Variants in IL17RC observed in about 807,000 individuals in gnomAD.
IL17RC encodes interleukin 17 receptor C.
In IL17RC, 53 loss-of-function variants were observed where a neutral mutation model predicts 86.7. The observed-to-expected ratio is 0.61, with a 90% confidence interval of 0.49 to 0.77. The LOEUF is 0.77. IL17RC is among the 30% of genes least tolerant of loss of function. IL17RC has a pLI of 0.00. For missense variants in IL17RC, 957 were observed against 940.0 expected, an observed-to-expected ratio of 1.02 and a Z score of -0.24; for synonymous variants, 439 against 413.1, an observed-to-expected ratio of 1.06 and a Z score of -0.76.
chr3:9,932,737 G>T, intron 17 of IL17RC, 34 bp downstream of exon 17: 2 of 1,612,380 alleles, frequency 1.2e-6, no homozygotes, highest in Non-Finnish European at 8.5e-7. Context: ...TCCCCTGGGG[G>T]AGGACCAGAG....
chr3:9,927,857 G>A (rs922110066), intron 9 of IL17RC, among the ~76,000 whole-genome samples: 5 of 152,056 alleles, frequency 3.3e-5, no homozygotes, highest in Non-Finnish European at 7.4e-5. Context: ...ACTGAGATGG[G>A]AGAATCGCTT....
chr3:9,929,581 G>A, intron 12 of IL17RC: 1 of 493,126 alleles, frequency 2.0e-6, no homozygotes, highest in Non-Finnish European at 3.7e-6. Context: ...GAATCTCTTT[G>A]AGAAGGTTAG....
intron 9 of IL17RC, among the ~76,000 whole-genome samples, chr3:9,926,005 C>G (rs1216821666): frequency 6.8e-6 from 1 of 147,546 alleles, no homozygotes. Context: ...TGCAGGCATG[C>G]GCCACCATGC....
chr3:9,933,095 C>T lies in IL17RC; in HGVS notation c.1665C>T (p.Ser555=), dbSNP rs754910175. 52 of 1,569,746 alleles carry T rather than the reference C, an allele frequency of 3.3e-5. No individual in the cohort carries two copies. Among genetic ancestry groups the T allele is most frequent in the Non-Finnish European group, 4.4e-5 (51 of 1,164,446 alleles). The change falls in exon 19 of 19, where the codon AGC becomes AGT. Residue 555 remains serine, a synonymous_variant. Transcript: ENST00000403601. ...AVDLWSRREL[S]AQGPVAWFHA... ...ACCTGTGGAGCCGTCGTGAACTGAG[C>T]GCGCAGGGGCCCGTGGCTTGGTTTC...
chr3:9,932,982 C>A lies in IL17RC; in HGVS notation c.1552C>A (p.Leu518Ile). The A allele has an allele frequency of 6.3e-7, 1 of 1,596,064 alleles. No individual in the cohort carries two copies. The highest frequency in any genetic ancestry group is 8.5e-7 in the Non-Finnish European group (1 of 1,175,100). The change falls in exon 19 of 19, where the codon CTC becomes ATC. Residue 518 changes from leucine to isoleucine, a missense_variant. Transcript: ENST00000403601. ...AAARGRAALL[L>I]YSADDSGFER... ...CGCCAGGGGCCGCGCGGCTCTGCTC[C>A]TCTACTCAGCCGATGACTCGGGTTT...
chr3:9,928,117 G>A (rs76234423), intron 9 of IL17RC, 49 bp from the exon 10 acceptor site: 103,248 of 1,579,282 alleles, frequency 0.065, 4,412 homozygotes, highest in African/African-American at 0.17. Context: ...CAGAGGGCCA[G>A]GCACATGCCC....
At chr3:9,918,122 C>G (rs767663600) in intron 3 of IL17RC, 47 bp downstream of exon 3, 2 of 1,537,532 alleles carry the variant, frequency 1.3e-6, no homozygotes, top group South Asian at 2.4e-5. Context: ...GTGAGTGTGT[C>G]TGGGGTGGGC....
intron 12 of IL17RC, among the ~76,000 whole-genome samples, 169 bp downstream of exon 12, chr3:9,928,799 C>A (rs180840553): frequency 2.3e-4 from 35 of 152,298 alleles, no homozygotes; most frequent in African/African-American, 8.2e-4. Flanking sequence ...CTCACTTCAC[C>A]TCTCTGAACG....
intron 3 of IL17RC, 108 bp from the exon 4 acceptor site, chr3:9,918,227 C>T: frequency 7.6e-7 from 1 of 1,322,068 alleles, no homozygotes; most frequent in Non-Finnish European, 1.0e-6. Flanking sequence ...TGTGGTCTCC[C>T]CAGCCCCTGC....
intron 16 of IL17RC, among the ~76,000 whole-genome samples, chr3:9,931,292 G>A (rs548469976): frequency 6.6e-6 from 1 of 151,902 alleles, no homozygotes; most frequent in East Asian, 1.9e-4. Context: ...TCAGGGGGAA[G>A]GTTCCAGCAA....
intron 16 of IL17RC, among the ~76,000 whole-genome samples, chr3:9,931,324 G>T (rs912619754): frequency 2.0e-5 from 3 of 151,838 alleles, no homozygotes; most frequent in Non-Finnish European, 4.4e-5. Flanking sequence ...CTGAGCTAGG[G>T]GAAGGGGGTA....
In IL17RC at chr3:9,928,436, C is replaced by T. The variant is rs762859085; in HGVS notation, c.1009C>T (p.Pro337Ser). ...ALCWRAPGGDPCQPLVPPLSW... is the reference protein window; with the variant it reads ...ALCWRAPGGDSCQPLVPPLSW... Reference sequence around the variant, plus strand: ...GTGCTGGCGGGCTCCGGGTGGGGACCCCTGCCAGCCACTGGTCCCACCGCT... The same window carrying T: ...GTGCTGGCGGGCTCCGGGTGGGGACTCCTGCCAGCCACTGGTCCCACCGCT... Residue 337 changes from proline to serine, a missense_variant, in exon 11 of 19, where the codon CCC becomes TCC. Coordinates refer to ENST00000403601, the MANE Select transcript of IL17RC (RefSeq NM_153460.4). 6 of 1,607,284 alleles carry T rather than the reference C, an allele frequency of 3.7e-6. No individual in the cohort carries two copies. In the African/African-American group the frequency reaches 8.0e-5, roughly 21 times the overall value.
intron 1 of IL17RC, 32 bp downstream of exon 1, chr3:9,917,452 G>A: frequency 6.2e-7 from 1 of 1,614,222 alleles, no homozygotes; most frequent in Non-Finnish European, 8.5e-7. Flanking sequence ...GACGAGGAAA[G>A]GCTCAGGGTT....
Position 9,918,092 on chromosome 3 carries a change from G to T in IL17RC, c.280+17G>T. 6.4e-7 allele frequency: 1 copy of T among 1,562,046 alleles called. No individual in the cohort carries two copies. Among genetic ancestry groups the T allele is most frequent in the South Asian group, 1.2e-5 (1 of 85,392 alleles). On this transcript the variant is annotated intron_variant, in intron 3 of 18. Coordinates refer to ENST00000403601, the MANE Select transcript of IL17RC (RefSeq NM_153460.4). The stretch of plus-strand genomic sequence containing the variant: ...CCGTGCATGGTGAGCAAGTCATCCT[G>T]TGACAGTGCATGTGTACACGTGAGT...
chr3:9,918,677 C>T (rs907385325), intron 5 of IL17RC, 68 bp downstream of exon 5: 7 of 1,039,350 alleles, frequency 6.7e-6, no homozygotes, highest in Non-Finnish European at 1.0e-5. Flanking sequence ...TGCATTATCT[C>T]TTTGAGGATT....
Position 9,917,354 on chromosome 3 carries a change from C to T in IL17RC, c.39C>T (p.Gly13=), listed in dbSNP as rs1368244758. The change falls in exon 1 of 19, where the codon GGC becomes GGT. Residue 13 remains glycine (G), a synonymous_variant. Coordinates refer to ENST00000403601, the MANE Select transcript of IL17RC (RefSeq NM_153460.4). ...VPWFLLSLAL[G]RSPVVLSLER... ...GGTTCTTGCTGTCCTTGGCACTGGGCCGAAGCCCAGTGGTCCTTTCTCTGG... is the reference window on the plus strand; with the variant it reads ...GGTTCTTGCTGTCCTTGGCACTGGGTCGAAGCCCAGTGGTCCTTTCTCTGG... 6.2e-7 allele frequency: 1 copy of T among 1,614,014 alleles called. No homozygotes were observed. Among genetic ancestry groups the T allele is most frequent in the Non-Finnish European group, 8.5e-7 (1 of 1,179,996 alleles).
chr3:9,928,808 C>T (rs1323320434), intron 12 of IL17RC, among the ~76,000 whole-genome samples, 178 bp downstream of exon 12: 1 of 152,156 alleles, frequency 6.6e-6, no homozygotes, highest in East Asian at 1.9e-4. Flanking sequence ...CCTCTCTGAA[C>T]GTCAGTTTCC....
chr3:9,932,713 T>A lies in IL17RC; in HGVS notation c.1483+10T>A. ...AAGGATCACGCGAAAGGTGAGCGCT[T>A]CCCGGCTCCCCATTCCCCTGGGGGA... On this transcript the variant is annotated intron_variant, in intron 17 of 18. Transcript: ENST00000403601. 2 of 1,614,046 alleles carry A rather than the reference T, an allele frequency of 1.2e-6. No homozygotes were observed. The highest frequency in any genetic ancestry group is 4.5e-5 in the East Asian group (2 of 44,876).
rs768689205 is a variant in IL17RC, at chr3:9,932,920, A to C, written c.1523-33A>C. On this transcript the variant is annotated intron_variant, in intron 18 of 18. Transcript: ENST00000403601. Reference sequence around the variant, plus strand: ...CGGGGAGCCAGGCCTGTGCCAGCTCACCTCTTCCCTCCCCATCTGTTTTCT... The same window carrying C: ...CGGGGAGCCAGGCCTGTGCCAGCTCCCCTCTTCCCTCCCCATCTGTTTTCT... 742 of 1,609,200 alleles carry C rather than the reference A, an allele frequency of 4.6e-4. 1 individual carries two copies. The highest frequency in any genetic ancestry group is 5.9e-4 in the Non-Finnish European group (697 of 1,178,716).
Sources: gnomAD v4.1 joint callset for allele counts (sites outside exome capture counted in the v4.1 genomes callset) on GRCh38, gnomAD v4.1.1 for gene constraint, MANE v1.5 for transcripts, NCBI Gene and HGNC (gene_info 2026-07-23, HGNC 2026-07-21) for gene names.